The following CCSER1 variants were observed in gnomAD, a reference collection of about 807,000 sequenced individuals.
CCSER1 encodes serine-rich coiled-coil domain-containing protein 1.
In CCSER1, 41 loss-of-function variants were observed where a neutral mutation model predicts 82.0. The observed-to-expected ratio is 0.50, with a 90% CI of 0.39 to 0.65. The LOEUF is 0.65. Ranked by LOEUF, CCSER1 falls within the 30% of genes least tolerant of loss-of-function variation. The pLI, the probability that CCSER1 is intolerant of heterozygous loss-of-function variation, is 0.00. For synonymous variants in CCSER1, 414 were observed against 383.9 expected (o/e 1.08, Z -0.92); for missense variants, 1,119 against 1,064.2 (o/e 1.05, Z -0.72).
intron 9 of CCSER1, among the ~76,000 whole-genome samples, chr4:91,032,411 A>G (rs1741061592): frequency 6.6e-6 from 1 of 152,210 alleles, no homozygotes; most frequent in Admixed American, 6.5e-5. Flanking sequence ...ACTACAAAAA[A>G]GGAGAAAAAG....
intron 10 of CCSER1, among the ~76,000 whole-genome samples, chr4:91,199,600 G>T (rs918283436): frequency 6.6e-6 from 1 of 151,864 alleles, no homozygotes; most frequent in African/African-American, 2.4e-5. Flanking sequence ...GAGCTAATGA[G>T]GTAAAGCTCA....
At chr4:90,227,912 G>A (rs1485958108) in intron 1 of CCSER1, among the ~76,000 whole-genome samples, 8 of 152,208 alleles carry the variant, frequency 5.3e-5, no homozygotes, top group South Asian at 4.1e-4. Flanking sequence ...GCGCTTTTCC[G>A]ACGGGCTTAA....
chr4:90,946,912 G>A (rs1732319341), intron 9 of CCSER1, among the ~76,000 whole-genome samples: 1 of 152,100 alleles, frequency 6.6e-6, no homozygotes, highest in Admixed American at 6.6e-5. Context: ...TTGATTTCTT[G>A]CTTGTGCTAT....
intron 5 of CCSER1, among the ~76,000 whole-genome samples, chr4:90,621,480 T>A (rs887501344): frequency 6.6e-6 from 1 of 151,286 alleles, no homozygotes; most frequent in Admixed American, 6.6e-5. Context: ...TTTTTTTTCA[T>A]CTTTATAATG....
intron 6 of CCSER1, among the ~76,000 whole-genome samples, chr4:90,719,172 G>C (rs1179981270): frequency 6.6e-6 from 1 of 152,066 alleles, no homozygotes; most frequent in East Asian, 1.9e-4. Flanking sequence ...TACCAACTGA[G>C]CTCCACCTGC....
At chr4:90,760,949 A>G (rs1004656614) in intron 7 of CCSER1, among the ~76,000 whole-genome samples, 1 of 152,162 alleles carries the variant, frequency 6.6e-6, no homozygotes, top group Non-Finnish European at 1.5e-5. Context: ...TACTTAATCT[A>G]TTCTCAGAAT....
At chr4:90,377,727 A>G (rs892421195) in intron 3 of CCSER1, among the ~76,000 whole-genome samples, 1 of 152,150 alleles carries the variant, frequency 6.6e-6, no homozygotes, top group Non-Finnish European at 1.5e-5. Flanking sequence ...AGGAAACCCC[A>G]TGTAACTCAA....
At position 90,308,390 on chromosome 4, in the gene CCSER1, A is replaced by G. The variant is rs1579094165; in HGVS notation, c.106A>G (p.Ser36Gly). The part of the protein sequence containing the change: ...HDSLPSSPSS[S>G]NTVGVHSSSP... ...TTCTCTTCCTTCTTCACCTTCTTCC[A>G]GTAATACAGTTGGTGTCCACAGTTC... Residue 36 changes from serine to glycine, a missense_variant, in exon 2 of 11, where the codon AGT (serine) becomes GGT (glycine). Coordinates refer to ENST00000509176, the MANE Select transcript of CCSER1 (RefSeq NM_001145065.2). The G allele has an allele frequency of 1.2e-6, 2 of 1,613,816 alleles. No homozygotes were observed. Among genetic ancestry groups the G allele is most frequent in the Non-Finnish European group, 1.7e-6 (2 of 1,179,844 alleles).
intron 1 of CCSER1, chr4:90,234,933 C>T (rs895848761): frequency 2.6e-5 from 4 of 152,158 alleles, no homozygotes; most frequent in Non-Finnish European, 5.9e-5. Context: ...TTTCCTACTT[C>T]CTTTGCTCTG....
At chr4:90,350,640 A>C (rs1487111958) in intron 3 of CCSER1, among the ~76,000 whole-genome samples, 1 of 152,142 alleles carries the variant, frequency 6.6e-6, no homozygotes, top group Non-Finnish European at 1.5e-5. Flanking sequence ...ATTCAAACAA[A>C]AAGTATTTGG....
intron 5 of CCSER1, among the ~76,000 whole-genome samples, chr4:90,554,169 G>C (rs1777849721): frequency 6.6e-6 from 1 of 152,070 alleles, no homozygotes; most frequent in African/African-American, 2.4e-5. Flanking sequence ...AGACCAGCCT[G>C]GGCAACATAG....
chr4:91,019,785 T>C (rs1044757385), intron 9 of CCSER1, among the ~76,000 whole-genome samples: 7 of 152,186 alleles, frequency 4.6e-5, no homozygotes, highest in African/African-American at 1.4e-4. Flanking sequence ...ATGGGATCCT[T>C]AGAGCACAAT....
At chr4:90,134,523 A>C (rs536033753) in intron 1 of CCSER1, among the ~76,000 whole-genome samples, 1 of 152,322 alleles carries the variant, frequency 6.6e-6, no homozygotes, top group Non-Finnish European at 1.5e-5. Flanking sequence ...TGAACTCTTT[A>C]ATGAAAATTT....
At chr4:90,858,877 C>T (rs1440151258) in intron 8 of CCSER1, among the ~76,000 whole-genome samples, 10 of 151,850 alleles carry the variant, frequency 6.6e-5, no homozygotes, top group East Asian at 1.9e-4. Flanking sequence ...GAGAGGGAAG[C>T]GGAAGAGCTG....
At position 90,409,387 on chromosome 4, in the gene CCSER1, C is replaced by T. The variant is rs1429626395; in HGVS notation, c.1603+9258C>T. Among the ~76,000 whole-genome samples, 6 of 152,264 alleles carry T rather than the reference C, an allele frequency of 3.9e-5. No homozygotes were observed. The South Asian group carries it at 8.3e-4, about 21-fold the overall frequency. ...GTTAAGGGCAGCCAGAGAGAAAGGT[C>T]GGGTTACCCACAAAGGGAAGCCCAT... On this transcript the variant is annotated intron_variant, in intron 4 of 10. Coordinates refer to ENST00000509176, the MANE Select transcript of CCSER1 (RefSeq NM_001145065.2).
Position 91,279,058 on chromosome 4 carries a change from AT to A in CCSER1, c.2217+193077del, listed in dbSNP as rs111853730. ...TAGCATGTCCTTGGCCGCCAGGTTTATTTTTTTTTTTTTCTTTCAGCACTGA... is the reference window on the plus strand; with the variant it reads ...TAGCATGTCCTTGGCCGCCAGGTTTATTTTTTTTTTTTCTTTCAGCACTGA... On this transcript the variant is annotated intron_variant, in intron 10 of 10. Transcript: ENST00000509176. Among the ~76,000 whole-genome samples the A allele has an allele frequency of 7.4e-3, 1,041 of 140,604 alleles. 6 individuals are homozygous for A. The highest frequency in any genetic ancestry group is 0.022 in the African/African-American group (860 of 38,626). The allele number at this position is 140,604 out of a possible 152,430, so 92.2% of individuals were successfully genotyped here.
intron 1 of CCSER1, among the ~76,000 whole-genome samples, chr4:90,222,848 TTGCCAATTTCCCCCAG>T (rs1387173145): frequency 6.6e-4 from 100 of 152,304 alleles, no homozygotes; most frequent in African/African-American, 2.4e-3. Flanking sequence ...TGTGAACCCT[TTGCCAATTTCCCCCAG>T]TGCTAATATC....
chr4:91,464,268 A>G (rs1756715007), intron 10 of CCSER1, among the ~76,000 whole-genome samples: 1 of 152,198 alleles, frequency 6.6e-6, no homozygotes, highest in African/African-American at 2.4e-5. Context: ...TCATAAGTGA[A>G]GGAGAAGTAA....
At position 90,955,856 on chromosome 4, in the gene CCSER1, T is replaced by C. The variant is rs540957322; in HGVS notation, c.2172+32409T>C. On this transcript the variant is annotated intron_variant, in intron 9 of 10. Coordinates refer to ENST00000509176, the MANE Select transcript of CCSER1 (RefSeq NM_001145065.2). Reference sequence around the variant, plus strand: ...TAATTCAGATCATAACTTAAATATGTCCTGCTTCGAAAGACTATTCCTTAC... The same window carrying C: ...TAATTCAGATCATAACTTAAATATGCCCTGCTTCGAAAGACTATTCCTTAC... Among the ~76,000 whole-genome samples, 8 of 152,290 alleles carry C rather than the reference T, an allele frequency of 5.3e-5. No individual in the cohort carries two copies. In the South Asian group the frequency reaches 1.7e-3, roughly 32 times the overall value.
Sources: allele counts gnomAD v4.1 joint callset (sites outside exome capture counted in the v4.1 genomes callset), GRCh38; gene constraint gnomAD v4.1.1; transcripts MANE v1.5; gene names NCBI Gene and HGNC (gene_info 2026-07-23, HGNC 2026-07-21).